Variants in UBE2U observed in about 807,000 individuals in gnomAD.
UBE2U encodes the protein ubiquitin conjugating enzyme E2 U.
In UBE2U, 39 loss-of-function variants were observed where a neutral mutation model predicts 41.2. That is an observed-to-expected ratio of 0.95 (90% CI 0.73 to 1.24). The LOEUF (loss-of-function observed/expected upper bound fraction) is 1.24, where lower values mean the gene tolerates loss of function less well. Among genes scored for constraint, UBE2U ranks in the 50% most tolerant of loss-of-function variants. The probability of loss-of-function intolerance (pLI) is 0.00; values close to 1 mark genes in which losing one functional copy is unlikely to be tolerated. For synonymous variants in UBE2U, 107 were observed against 117.8 expected, an observed-to-expected ratio of 0.91 and a Z score of 0.60; for missense variants, 336 against 363.1, an observed-to-expected ratio of 0.93 and a Z score of 0.61.
At chr1:64,217,742 T>C (rs1652123675) in intron 5 of UBE2U, among the ~76,000 whole-genome samples, 1 of 152,196 alleles carries the variant, frequency 6.6e-6, no homozygotes, top group Non-Finnish European at 1.5e-5. Flanking sequence ...CAGATGCTCA[T>C]CTAAATAAGC....
intron 6 of UBE2U, among the ~76,000 whole-genome samples, chr1:64,225,177 G>C (rs978992359): frequency 1.3e-5 from 2 of 152,136 alleles, no homozygotes; most frequent in Non-Finnish European, 2.9e-5. Flanking sequence ...AAGATAACTC[G>C]AGAACCATTA....
In UBE2U at chr1:64,214,867, G is replaced by T. The variant is rs1651887017; in HGVS notation, c.392G>T (p.Arg131Ile). ...LENPVNLEAARILVKDESLYR... is the reference protein window; with the variant it reads ...LENPVNLEAAIILVKDESLYR... ...AATCCAGTGAATTTGGAAGCAGCCA[G>T]AATACTGGTTAAAGATGAATCTCTG... is the stretch of plus-strand genomic sequence containing the variant. Residue 131 changes from arginine (R) to isoleucine (I), a missense_variant, in exon 5 of 10, where the codon AGA becomes ATA. Physicochemically the swap from Arg to Ile is moderately conservative, Grantham distance 97 (BLOSUM62 -3). Coordinates refer to ENST00000371077, the MANE Select transcript of UBE2U (RefSeq NM_001366232.2). 1.9e-6 allele frequency: 3 copies of T among 1,614,076 alleles called. No individual in the cohort carries two copies. Among genetic ancestry groups the T allele is most frequent in the Non-Finnish European group, 2.5e-6 (3 of 1,180,020 alleles).
intron 7 of UBE2U, among the ~76,000 whole-genome samples, chr1:64,238,835 A>G (rs1644720124): frequency 6.6e-6 from 1 of 151,960 alleles, no homozygotes; most frequent in Admixed American, 6.6e-5. Context: ...TGAGCCCAGG[A>G]ATTTGAGATC....
In UBE2U at chr1:64,267,094, G is replaced by A; in HGVS notation, c.840G>A (p.Gly280=). Residue 280 remains glycine, a synonymous_variant, in exon 10 of 10, where the codon GGG becomes GGA. Coordinates refer to ENST00000371077, the MANE Select transcript of UBE2U (RefSeq NM_001366232.2). ...ITDIYETEEE[G]WKSDTSLYEN... ...ACATTTATGAAACAGAAGAGGAGGG[G>A]TGGAAGAGTGACACTTCATTATATG... The A allele has an allele frequency of 6.4e-7, 1 of 1,550,434 alleles. No individual in the cohort carries two copies. Among genetic ancestry groups the A allele is most frequent in the South Asian group, 1.2e-5 (1 of 84,006 alleles).
intron 5 of UBE2U, among the ~76,000 whole-genome samples, chr1:64,217,679 C>G (rs1376878961): frequency 1.3e-5 from 2 of 151,892 alleles, no homozygotes; most frequent in Non-Finnish European, 2.9e-5. Flanking sequence ...TTTTTCTTAG[C>G]CAAGTATATT....
chr1:64,247,444 G>T (rs1386686580), intron 8 of UBE2U, among the ~76,000 whole-genome samples: 2 of 152,170 alleles, frequency 1.3e-5, no homozygotes, highest in African/African-American at 2.4e-5. Context: ...AAAATAGGAG[G>T]TGTTTGGGTC....
intron 9 of UBE2U, among the ~76,000 whole-genome samples, chr1:64,262,316 T>G (rs1324796432): frequency 6.6e-6 from 1 of 152,230 alleles, no homozygotes; most frequent in Non-Finnish European, 1.5e-5. Flanking sequence ...TTGAATGGTT[T>G]AAAACAACAC....
At chr1:64,230,377 G>A (rs1013356010) in intron 6 of UBE2U, among the ~76,000 whole-genome samples, 38 of 152,116 alleles carry the variant, frequency 2.5e-4, no homozygotes, top group Non-Finnish European at 1.6e-4. Flanking sequence ...TCAAGATTAC[G>A]GAATCAACTT....
In UBE2U at chr1:64,207,565, G is replaced by T. The variant is rs183568113; in HGVS notation, c.241+709G>T. Among the ~76,000 whole-genome samples the T allele has an allele frequency of 7.2e-5, 11 of 152,132 alleles. No homozygotes were observed. In the East Asian group the frequency reaches 2.1e-3, roughly 29 times the overall value. ...TCTGTATTGTTCAATATTTTAGTTG[G>T]ATCTAATTTTTCATTATTATAAAAA... is the stretch of plus-strand genomic sequence containing the variant. On this transcript the variant is annotated intron_variant, in intron 3 of 9. Transcript: ENST00000371077.
chr1:64,220,904 T>C lies in UBE2U; in HGVS notation c.503T>C (p.Ile168Thr). The C allele has an allele frequency of 1.2e-6, 2 of 1,601,962 alleles. No homozygotes were observed. The highest frequency in any genetic ancestry group is 1.7e-6 in the Non-Finnish European group (2 of 1,175,384). ...TTACCTAAAGACCCACGTAAATGTA[T>C]CAGGTAAGTTTTTCTTTATACAATT... The part of the protein sequence containing the change: ...QELPKDPRKC[I>T]RPIKTTSFSD... Residue 168 changes from isoleucine to threonine, a missense_variant, in exon 6 of 10, where the codon ATC becomes ACC. Physicochemically the swap from Ile to Thr is moderately conservative, Grantham distance 89. Transcript: ENST00000371077.
chr1:64,239,105 G>GAAGAAGGAAGA (rs1553168916), intron 7 of UBE2U, among the ~76,000 whole-genome samples: 4 of 12,946 alleles, frequency 3.1e-4, no homozygotes, highest in African/African-American at 2.7e-3. Context: ...AGAAGAAGAA[G>GAAGAAGGAAGA]AAGAAGAAGA....
At chr1:64,228,660 TTTTTC>T (rs1267934859) in intron 6 of UBE2U, among the ~76,000 whole-genome samples, 8 of 150,378 alleles carry the variant, frequency 5.3e-5, no homozygotes, top group Non-Finnish European at 1.2e-4. Flanking sequence ...TATGGTTTTC[TTTTTC>T]TTTTCTTTCT....
At chr1:64,237,442 C>A (rs1212370051) in intron 7 of UBE2U, among the ~76,000 whole-genome samples, 1 of 152,032 alleles carries the variant, frequency 6.6e-6, no homozygotes, top group Admixed American at 6.6e-5. Flanking sequence ...GCCACAAATG[C>A]AAGATATCGT....
At chr1:64,265,686 C>T (rs1645244309) in intron 9 of UBE2U, among the ~76,000 whole-genome samples, 1 of 152,194 alleles carries the variant, frequency 6.6e-6, no homozygotes, top group African/African-American at 2.4e-5. Flanking sequence ...TCAAGTGAGT[C>T]TCCTGCCTCA....
rs1651892503 is a variant in UBE2U, at chr1:64,214,935, A to G, written c.457+3A>G. On this transcript the variant is annotated splice_donor_region_variant and intron_variant, in intron 5 of 9. Transcript: ENST00000371077. ...ACTTTTCAACAGGCCATTACAAAGT[A>G]AGAAGTATCTACTTTTGTTAGGTGC... The G allele has an allele frequency of 6.2e-7, 1 of 1,610,950 alleles. No homozygotes were observed. Among genetic ancestry groups the G allele is most frequent in the Non-Finnish European group, 8.5e-7 (1 of 1,177,126 alleles).
In UBE2U at chr1:64,214,899, A is replaced by G. The variant is rs200309961; in HGVS notation, c.424A>G (p.Thr142Ala). The G allele has an allele frequency of 2.5e-6, 4 of 1,614,146 alleles. No homozygotes were observed. In the African/African-American group the frequency reaches 5.3e-5, roughly 22 times the overall value. The change falls in exon 5 of 10, where the codon ACA (threonine) becomes GCA (alanine). Residue 142 changes from threonine to alanine, a missense_variant. Thr to Ala is a moderately conservative substitution (Grantham distance 58, BLOSUM62 0). Coordinates refer to ENST00000371077, the MANE Select transcript of UBE2U (RefSeq NM_001366232.2). ...ILVKDESLYR[T>A]ILRLFNRPLQ... ...GGTTAAAGATGAATCTCTGTACAGA[A>G]CAATTCTAAGACTTTTCAACAGGCC...
At chr1:64,214,657 G>A (rs1400849233) in intron 4 of UBE2U, among the ~76,000 whole-genome samples, 158 bp from the exon 5 acceptor site, 1 of 152,146 alleles carries the variant, frequency 6.6e-6, no homozygotes, top group East Asian at 1.9e-4. Context: ...TTTCTTGAGA[G>A]TACAGACTAT....
intron 9 of UBE2U, among the ~76,000 whole-genome samples, chr1:64,266,087 T>C (rs1161386597): frequency 6.6e-6 from 1 of 152,172 alleles, no homozygotes; most frequent in Non-Finnish European, 1.5e-5. Flanking sequence ...TGCAGTGAGA[T>C]TTTAGAGTTA....
chr1:64,264,017 C>T (rs1185794806), intron 9 of UBE2U, among the ~76,000 whole-genome samples: 1 of 152,192 alleles, frequency 6.6e-6, no homozygotes, highest in African/African-American at 2.4e-5. Flanking sequence ...CCAGCTGTAG[C>T]TTCCAGATCT....
Sources: gnomAD v4.1 joint callset for allele counts (sites outside exome capture counted in the v4.1 genomes callset) on GRCh38, gnomAD v4.1.1 for gene constraint, MANE v1.5 for transcripts, NCBI Gene and HGNC (gene_info 2026-07-23, HGNC 2026-07-21) for gene names.